CLNS1A: variants seen among roughly 807,000 people sequenced by gnomAD.
CLNS1A encodes the protein methylosome subunit pICln.
In CLNS1A, 16 loss-of-function variants were observed where a neutral mutation model predicts 29.4. That is an observed-to-expected ratio of 0.54 (90% confidence interval 0.37 to 0.83). CLNS1A has a LOEUF of 0.83. Ranked by LOEUF, CLNS1A falls within the 40% of genes least tolerant of loss-of-function variation. The probability of loss-of-function intolerance (pLI) is 0.00; values close to 1 mark genes in which losing one functional copy is unlikely to be tolerated. For missense variants in CLNS1A, 235 were observed against 287.4 expected, an observed-to-expected ratio of 0.82 and a Z score of 1.32; for synonymous variants, 96 against 104.8, an observed-to-expected ratio of 0.92 and a Z score of 0.51.
chr11:77,635,420 C>T lies in CLNS1A; in HGVS notation c.125+2170G>A, dbSNP rs1445524828. Among the ~76,000 whole-genome samples, 3 of 149,778 alleles carry T rather than the reference C, an allele frequency of 2.0e-5. No homozygotes were observed. In the South Asian group the frequency reaches 6.3e-4, roughly 31 times the overall value. ...AGGCTGGAATGCAATGGCATGATCT[C>T]GGCTTACTACAACCTCCGCCTCTCG... On this transcript the variant is annotated intron_variant, in intron 1 of 6. Transcript: ENST00000525428.
chr11:77,623,010 A>C (rs1958979064), intron 4 of CLNS1A, among the ~76,000 whole-genome samples: 1 of 151,950 alleles, frequency 6.6e-6, no homozygotes, highest in African/African-American at 2.4e-5. Flanking sequence ...GGCTTCCAGG[A>C]AGATACTTTT....
chr11:77,628,075 T>G (rs566655962), intron 2 of CLNS1A, among the ~76,000 whole-genome samples: 3 of 152,164 alleles, frequency 2.0e-5, no homozygotes, highest in African/African-American at 4.8e-5. Context: ...CTGCCCCCCT[T>G]GGCCTCCCAA....
intron 1 of CLNS1A, among the ~76,000 whole-genome samples, chr11:77,630,203 C>A (rs188761992): frequency 1.3e-5 from 2 of 152,270 alleles, no homozygotes; most frequent in Non-Finnish European, 2.9e-5. Context: ...TCTTCAAATA[C>A]CCTCTTTGCT....
At chr11:77,635,483 C>T (rs571260987) in intron 1 of CLNS1A, among the ~76,000 whole-genome samples, 1 of 152,028 alleles carries the variant, frequency 6.6e-6, no homozygotes, top group South Asian at 2.1e-4. Flanking sequence ...TCCCAAGTAG[C>T]TGGGATTACA....
At chr11:77,627,314 CTG>C (rs1416056246) in intron 2 of CLNS1A, among the ~76,000 whole-genome samples, 5 of 151,450 alleles carry the variant, frequency 3.3e-5, no homozygotes, top group African/African-American at 1.2e-4. Context: ...TGGCGGGAGC[CTG>C]TAGTCCCAGC....
At chr11:77,623,492 A>T (rs2135764847) in intron 4 of CLNS1A, among the ~76,000 whole-genome samples, 1 of 151,804 alleles carries the variant, frequency 6.6e-6, no homozygotes, top group Non-Finnish European at 1.5e-5. Context: ...TAATCGGGAG[A>T]CTGGGGTGGG....
chr11:77,634,208 A>C (rs1456054194), intron 1 of CLNS1A, among the ~76,000 whole-genome samples: 2 of 152,170 alleles, frequency 1.3e-5, no homozygotes, highest in Non-Finnish European at 2.9e-5. Flanking sequence ...AGTCCAGCCA[A>C]ACCTAATCTG....
rs190981261 is a variant in CLNS1A at position 77,615,019 on chromosome 11, C to G, written c.*1699G>C. 6 of 152,284 alleles carry G rather than the reference C, an allele frequency of 3.9e-5. No homozygotes were observed. The highest frequency in any genetic ancestry group is 4.4e-5 in the Non-Finnish European group (3 of 68,042). 9.4% of individuals were successfully genotyped at this position (152,284 alleles called of 1,614,324 possible). A position where few individuals can be genotyped will look rare whatever the true frequency, so the allele number is the denominator to read the frequency against. On this transcript the variant is annotated 3_prime_UTR_variant, in exon 7 of 7. Coordinates refer to ENST00000525428, the MANE Select transcript of CLNS1A (RefSeq NM_001293.3). ...ATAAGCCCAGAGAGGTGCCCACATG[C>G]TTTGGTCTCCTGCCTTTTTGCATAT...
chr11:77,622,445 A>G, intron 5 of CLNS1A, 55 bp downstream of exon 5: 1 of 1,358,642 alleles, frequency 7.4e-7, no homozygotes, highest in Non-Finnish European at 1.0e-6. Flanking sequence ...TTGACTATCC[A>G]TAACTTATTG....
At chr11:77,621,178 T>C (rs1958953953) in intron 5 of CLNS1A, among the ~76,000 whole-genome samples, 1 of 151,258 alleles carries the variant, frequency 6.6e-6, no homozygotes, top group Admixed American at 6.6e-5. Context: ...GGGTAATCCC[T>C]GCTACTCAGG....
chr11:77,623,426 C>CA (rs142135302), intron 4 of CLNS1A, among the ~76,000 whole-genome samples: 4,277 of 151,648 alleles, frequency 0.028, 200 homozygotes, highest in African/African-American at 0.098. Context: ...TTCATCTCTC[C>CA]AAAAAAATGT....
chr11:77,618,467 A>G (rs766595574), intron 6 of CLNS1A: 1 of 152,220 alleles, frequency 6.6e-6, no homozygotes. Flanking sequence ...CTGTATGGCT[A>G]CCACTGACAA....
chr11:77,617,354 C>T (rs1394576602), intron 6 of CLNS1A, among the ~76,000 whole-genome samples: 8 of 108,576 alleles, frequency 7.4e-5, no homozygotes, highest in South Asian at 5.8e-4. Flanking sequence ...GCAACAAGAG[C>T]GAAACTCCAT....
intron 5 of CLNS1A, among the ~76,000 whole-genome samples, chr11:77,621,584 A>G (rs565454388): frequency 1.4e-4 from 21 of 152,322 alleles, no homozygotes; most frequent in South Asian, 4.1e-4. Context: ...CGGAGGTTGT[A>G]GTGAGCCAAG....
At chr11:77,633,256 C>T (rs988238145) in intron 1 of CLNS1A, among the ~76,000 whole-genome samples, 2 of 152,174 alleles carry the variant, frequency 1.3e-5, no homozygotes, top group Non-Finnish European at 2.9e-5. Flanking sequence ...ATAGGCCAGA[C>T]ATGCTGCCAT....
chr11:77,621,864 A>C (rs1053232908), intron 5 of CLNS1A: 1 of 422,924 alleles, frequency 2.4e-6, no homozygotes, highest in Admixed American at 2.5e-5. Context: ...AAAAAGACTC[A>C]CCTCCCCTGA....
intron 1 of CLNS1A, among the ~76,000 whole-genome samples, chr11:77,632,824 C>A (rs1451468564): frequency 6.6e-6 from 1 of 151,850 alleles, no homozygotes; most frequent in Non-Finnish European, 1.5e-5. Context: ...GTGGCTCAGG[C>A]CTATAATTTT....
At chr11:77,621,035 G>C (rs149208596) in intron 5 of CLNS1A, among the ~76,000 whole-genome samples, 2,274 of 151,124 alleles carry the variant, frequency 0.015, 58 homozygotes, top group African/African-American at 0.051. Context: ...AGTGGCTCAC[G>C]CCTGTAATCC....
Position 77,637,737 on chromosome 11 carries a change from G to T in CLNS1A, c.-23C>A. On this transcript the variant is annotated 5_prime_UTR_variant, in exon 1 of 7. It adds an upstream start codon to the 5' untranslated region. Coordinates refer to ENST00000525428, the MANE Select transcript of CLNS1A (RefSeq NM_001293.3). ...CATAGCAGCAGAGTGCGGCAACACA[G>T]GCCCTGAGGGAGTTGGAGCACAGCA... The T allele has an allele frequency of 6.5e-7, 1 of 1,549,596 alleles. No homozygotes were observed. Among genetic ancestry groups the T allele is most frequent in the Non-Finnish European group, 8.7e-7 (1 of 1,145,944 alleles).
Sources: allele counts gnomAD v4.1 joint callset (sites outside exome capture counted in the v4.1 genomes callset), GRCh38; gene constraint gnomAD v4.1.1; transcripts MANE v1.5; gene names NCBI Gene and HGNC (gene_info 2026-07-23, HGNC 2026-07-21).